The following JARID2 variants were observed in gnomAD, a reference collection of about 807,000 sequenced individuals.
JARID2 encodes jumonji and AT-rich interaction domain containing 2.
Under a neutral mutation model 125.6 loss-of-function variants are expected in JARID2, and 21 were observed. The observed-to-expected ratio is 0.17, with a 90% CI of 0.12 to 0.24. The LOEUF (loss-of-function observed/expected upper bound fraction) is 0.24, where lower values mean the gene tolerates loss of function less well. Among genes scored for constraint, JARID2 ranks in the 10% least tolerant of loss-of-function variants. The pLI, the probability that JARID2 is intolerant of heterozygous loss-of-function variation, is 1.00. For missense variants in JARID2, 1,303 were observed against 1,639.6 expected, an observed-to-expected ratio of 0.79 and a Z score of 3.55; for synonymous variants, 736 against 661.6, an observed-to-expected ratio of 1.11 and a Z score of -1.73.
intron 1 of JARID2, among the ~76,000 whole-genome samples, chr6:15,335,101 T>C (rs969869512): frequency 4.5e-4 from 68 of 151,956 alleles, no homozygotes; most frequent in African/African-American, 1.6e-3. Flanking sequence ...TTTTTCTTTT[T>C]TCCTCCTTCT....
chr6:15,380,990 G>A (rs1458528341), intron 2 of JARID2, among the ~76,000 whole-genome samples: 5 of 152,028 alleles, frequency 3.3e-5, no homozygotes, highest in African/African-American at 7.3e-5. Flanking sequence ...AGGTCTAGCT[G>A]TACTAGAGAT....
intron 4 of JARID2, among the ~76,000 whole-genome samples, chr6:15,455,072 T>C (rs912345319): frequency 1.3e-4 from 20 of 152,028 alleles, no homozygotes; most frequent in African/African-American, 4.4e-4. Flanking sequence ...TTGTGCCGTC[T>C]ATAGTCCATC....
At chr6:15,269,758 A>G (rs1276862846) in intron 1 of JARID2, among the ~76,000 whole-genome samples, 5 of 152,036 alleles carry the variant, frequency 3.3e-5, no homozygotes, top group Non-Finnish European at 7.4e-5. Context: ...ATATCCAGGC[A>G]GTGTTTATGT....
chr6:15,398,016 G>A (rs759413937), intron 2 of JARID2, among the ~76,000 whole-genome samples: 1 of 152,126 alleles, frequency 6.6e-6, no homozygotes, highest in Non-Finnish European at 1.5e-5. Context: ...GCAAGGCCAC[G>A]GATGGATCTT....
chr6:15,351,988 A>T (rs1763444328), intron 1 of JARID2, among the ~76,000 whole-genome samples: 1 of 152,182 alleles, frequency 6.6e-6, no homozygotes, highest in African/African-American at 2.4e-5. Flanking sequence ...AAGGATAATC[A>T]CTGCGCCGAA....
intron 17 of JARID2, among the ~76,000 whole-genome samples, chr6:15,518,630 C>T (rs551741604): frequency 9.2e-5 from 14 of 152,182 alleles, no homozygotes; most frequent in South Asian, 6.2e-4. Flanking sequence ...TACAGGTGCC[C>T]GCCACTACGC....
chr6:15,279,056 A>C (rs1760652018), intron 1 of JARID2, among the ~76,000 whole-genome samples: 1 of 151,124 alleles, frequency 6.6e-6, no homozygotes, highest in Non-Finnish European at 1.5e-5. Context: ...GCACCACTGC[A>C]CTTCAGCCTG....
intron 1 of JARID2, among the ~76,000 whole-genome samples, chr6:15,340,312 T>A (rs1470766259): frequency 6.6e-6 from 1 of 152,196 alleles, no homozygotes; most frequent in Non-Finnish European, 1.5e-5. Context: ...TGATGTCCAG[T>A]GAGGTCATAC....
chr6:15,351,374 G>GGGATT (rs1179004659), intron 1 of JARID2, among the ~76,000 whole-genome samples: 1 of 152,174 alleles, frequency 6.6e-6, no homozygotes, highest in Non-Finnish European at 1.5e-5. Flanking sequence ...CTACCAGGTA[G>GGGATT]GGATTGCTGG....
chr6:15,496,206 G>C lies in JARID2; in HGVS notation c.981G>C (p.Glu327Asp). 1 of 1,614,136 alleles carries C rather than the reference G, an allele frequency of 6.2e-7. No homozygotes were observed. The highest frequency in any genetic ancestry group is 1.1e-5 in the South Asian group (1 of 91,072). The change falls in exon 7 of 18, where the codon GAG (glutamate) becomes GAC (aspartate). Residue 327 changes from glutamate (E) to aspartate (D), a missense_variant. Physicochemically the swap from Glu to Asp is conservative, Grantham distance 45. Transcript: ENST00000341776. Reference protein sequence around the residue: ...AGVTSAKKMREVRPSPSKTVK... With the variant: ...AGVTSAKKMRDVRPSPSKTVK... ...TAACCAGTGCCAAAAAGATGCGCGA[G>C]GTCAGACCTTCACCATCCAAAACTG...
chr6:15,389,314 C>T lies in JARID2; in HGVS notation c.181+15062C>T, dbSNP rs555860051. 1.2e-4 allele frequency among the ~76,000 whole-genome samples: 18 copies of T among 152,212 alleles called. No individual in the cohort carries two copies. The South Asian group carries it at 2.1e-3, about 18-fold the overall frequency. ...GGATGGGACTATAGGCACGTGTCAC[C>T]GCCTGGATGATTTTTAAATGTTTTG... On this transcript the variant is annotated intron_variant, in intron 2 of 17. Coordinates refer to ENST00000341776, the MANE Select transcript of JARID2 (RefSeq NM_004973.4).
intron 14 of JARID2, 36 bp downstream of exon 14, chr6:15,512,426 C>A: frequency 6.2e-7 from 1 of 1,603,382 alleles, no homozygotes; most frequent in Non-Finnish European, 8.5e-7. Context: ...TTGCTGCCCC[C>A]GCATCCCTGT....
At position 15,501,027 on chromosome 6, in the gene JARID2, C is replaced by G. The variant is rs1770708031; in HGVS notation, c.2066C>G (p.Thr689Ser). 3 of 1,614,080 alleles carry G rather than the reference C, an allele frequency of 1.9e-6. No individual in the cohort carries two copies. Among genetic ancestry groups the G allele is most frequent in the Admixed American group, 1.7e-5 (1 of 60,014 alleles). The stretch of plus-strand genomic sequence containing the variant: ...GCAGACATGCTGCGCATCCCCAGAA[C>G]TGCCCAGGACCGGCTGGCCAAGCTG... The part of the protein sequence containing the change: ...KLADMLRIPR[T>S]AQDRLAKLQE... The change falls in exon 8 of 18, where the codon ACT becomes AGT. Residue 689 changes from threonine (T) to serine (S), a missense_variant. By Grantham distance (58) the Thr-to-Ser change is moderately conservative. Coordinates refer to ENST00000341776, the MANE Select transcript of JARID2 (RefSeq NM_004973.4).
At chr6:15,371,984 G>A (rs186972279) in intron 1 of JARID2, among the ~76,000 whole-genome samples, 3 of 152,322 alleles carry the variant, frequency 2.0e-5, no homozygotes, top group Middle Eastern at 6.8e-3. Flanking sequence ...GTTCTCTCAG[G>A]ACTTTCTTCC....
chr6:15,438,916 C>T (rs1357891517), intron 3 of JARID2, among the ~76,000 whole-genome samples: 2 of 151,798 alleles, frequency 1.3e-5, no homozygotes, highest in Admixed American at 1.3e-4. Flanking sequence ...CCTGTAATTC[C>T]AGCTACTCAG....
chr6:15,467,100 C>G (rs181653913), intron 4 of JARID2, among the ~76,000 whole-genome samples: 1 of 152,264 alleles, frequency 6.6e-6, no homozygotes, highest in Non-Finnish European at 1.5e-5. Context: ...ATGAAGATGC[C>G]TGTAGGAAAA....
chr6:15,317,138 C>G (rs1329556807), intron 1 of JARID2, among the ~76,000 whole-genome samples: 2 of 152,104 alleles, frequency 1.3e-5, no homozygotes, highest in East Asian at 3.9e-4. Context: ...TTGATTTTAT[C>G]TATTTAGCAG....
chr6:15,311,527 G>A (rs1018728368), intron 1 of JARID2, among the ~76,000 whole-genome samples: 15 of 152,178 alleles, frequency 9.9e-5, no homozygotes, highest in African/African-American at 3.1e-4. Context: ...GCGGTGAGCC[G>A]AGATCGCGCC....
chr6:15,298,149 A>T (rs1302431073), intron 1 of JARID2, among the ~76,000 whole-genome samples: 2 of 152,218 alleles, frequency 1.3e-5, no homozygotes, highest in Non-Finnish European at 2.9e-5. Flanking sequence ...ATCAGAATGC[A>T]GTCAAAATTG....
Sources: allele counts gnomAD v4.1 joint callset (sites outside exome capture counted in the v4.1 genomes callset), GRCh38; gene constraint gnomAD v4.1.1; transcripts MANE v1.5; gene names NCBI Gene and HGNC (gene_info 2026-07-23, HGNC 2026-07-21).